The following FLNB variants were observed in gnomAD, a reference collection of about 807,000 sequenced individuals.
The protein encoded by FLNB is filamin-B.
Under a neutral mutation model 250.6 loss-of-function variants are expected in FLNB, and 111 were observed. The ratio of observed to expected loss-of-function variants is 0.44; its 90% CI spans 0.38 to 0.52. The LOEUF (loss-of-function observed/expected upper bound fraction) is 0.52. Among genes scored for constraint, FLNB ranks in the 20% least tolerant of loss-of-function variants. The pLI, the probability that FLNB is intolerant of heterozygous loss-of-function variation, is 0.00. For missense variants in FLNB, 2,869 were observed against 3,447.8 expected (o/e 0.83, Z 4.20); for synonymous variants, 1,302 against 1,372.1 (o/e 0.95, Z 1.13).
At chr3:58,076,288 T>C (rs2106943313) in intron 1 of FLNB, among the ~76,000 whole-genome samples, 1 of 152,166 alleles carries the variant, frequency 6.6e-6, no homozygotes, top group East Asian at 1.9e-4. Flanking sequence ...AAAAAATTCC[T>C]ACCTATCGAA....
rs916150026 is a variant in FLNB at position 58,124,389 on chromosome 3, T to G, written c.3782T>G (p.Val1261Gly). The G allele has an allele frequency of 1.9e-6, 3 of 1,614,048 alleles. No individual in the cohort carries two copies. The African/African-American group carries it at 4.0e-5, about 22-fold the overall frequency. Reference sequence around the variant, plus strand: ...GTTGACTCTCGGCCGCTGACCCAGGTTGGGGGTGACCACATCAAGGCCCAC... The same window carrying G: ...GTTGACTCTCGGCCGCTGACCCAGGGTGGGGGTGACCACATCAAGGCCCAC... ...FTVDSRPLTQ[V>G]GGDHIKAHIA... The change falls in exon 22 of 46, where the codon GTT becomes GGT. Residue 1261 changes from valine to glycine, a missense_variant. Val to Gly is a moderately radical substitution (Grantham distance 109). This residue lies in a region of FLNB where 1,348 missense variants were observed against 1,466.7 expected (regional missense o/e 0.92). Coordinates refer to ENST00000295956, the MANE Select transcript of FLNB (RefSeq NM_001457.4).
At chr3:58,093,886 A>G (rs1269769312) in intron 4 of FLNB, among the ~76,000 whole-genome samples, 1 of 152,236 alleles carries the variant, frequency 6.6e-6, no homozygotes, top group Non-Finnish European at 1.5e-5. Flanking sequence ...TTACATAGTT[A>G]TGATTCCATT....
intron 1 of FLNB, among the ~76,000 whole-genome samples, chr3:58,027,192 A>G (rs2097124617): frequency 6.7e-6 from 1 of 149,828 alleles, no homozygotes. Context: ...TCCCTCTGTC[A>G]CCCAGTCTGG....
rs1491212683 is a variant in FLNB at position 58,060,798 on chromosome 3, AAG to A, written c.293-16246_293-16245del. Among the ~76,000 whole-genome samples, 15 of 96,766 alleles carry A rather than the reference AAG, an allele frequency of 1.6e-4. No individual in the cohort carries two copies. The East Asian group carries it at 3.9e-3, about 25-fold the overall frequency. The allele number at this position is 96,766 out of a possible 152,430, so 63.5% of individuals were successfully genotyped here. ...AAAAAAAAAAAAAAAAAAAAAAAAAAAGAAAGAAAGAAAAGAAAAGAAAAGAA... is the reference window on the plus strand; with the variant it reads ...AAAAAAAAAAAAAAAAAAAAAAAAAAAAAGAAAGAAAAGAAAAGAAAAGAA... On this transcript the variant is annotated intron_variant, in intron 1 of 45. Transcript: ENST00000295956.
intron 1 of FLNB, among the ~76,000 whole-genome samples, chr3:58,025,501 G>A (rs1254047336): frequency 6.6e-6 from 1 of 152,026 alleles, no homozygotes; most frequent in East Asian, 1.9e-4. Flanking sequence ...TGCTCTCCCA[G>A]CAGCGGCAGT....
rs374855349 is a variant in FLNB at position 58,142,609 on chromosome 3, G to A, written c.5182-41G>A. 16 of 1,539,094 alleles carry A rather than the reference G, an allele frequency of 1.0e-5. No homozygotes were observed. The African/African-American group carries it at 2.2e-4, about 21-fold the overall frequency. The stretch of plus-strand genomic sequence containing the variant: ...CCCTGTAGCTTCACCAGCTCCCGCT[G>A]TTGTCTGCTTTACCCAGTGACCACT... On this transcript the variant is annotated intron_variant, in intron 30 of 45. Coordinates refer to ENST00000295956, the MANE Select transcript of FLNB (RefSeq NM_001457.4). This position sits in a 1 kb window ranked among gnomAD's most constrained non-coding sequence, Gnocchi z 4.3.
intron 1 of FLNB, among the ~76,000 whole-genome samples, chr3:58,028,963 T>G (rs2097127130): frequency 6.6e-6 from 1 of 151,988 alleles, no homozygotes. Flanking sequence ...GTGCCTGTAA[T>G]CCTAGCTACT....
At chr3:58,046,520 G>A (rs1215317826) in intron 1 of FLNB, among the ~76,000 whole-genome samples, 1 of 151,362 alleles carries the variant, frequency 6.6e-6, no homozygotes, top group Non-Finnish European at 1.5e-5. Flanking sequence ...TGCAGTCTTG[G>A]CTCACTGCAA....
intron 40 of FLNB, among the ~76,000 whole-genome samples, chr3:58,155,517 CAAAG>C (rs1022259783): frequency 1.3e-5 from 2 of 151,916 alleles, no homozygotes; most frequent in African/African-American, 4.8e-5. Context: ...ATCAAAGTGA[CAAAG>C]TAATAAGTGA....
Position 58,171,011 on chromosome 3 carries a change from A to G in FLNB, c.*249A>G. ...CTGAGTACACTAGGTGCAAACCAGA[A>G]CTCTTGGTGGAACAGACCAGCCACT... On this transcript the variant is annotated 3_prime_UTR_variant, in exon 46 of 46. Coordinates refer to ENST00000295956, the MANE Select transcript of FLNB (RefSeq NM_001457.4). The surrounding 1 kb of genome is among the most constrained non-coding windows in gnomAD (Gnocchi z 5.5). The G allele has an allele frequency of 2.0e-6, 1 of 493,096 alleles. No homozygotes were observed. The highest frequency in any genetic ancestry group is 3.7e-6 in the Non-Finnish European group (1 of 271,338). 30.5% of individuals were successfully genotyped at this position (493,096 alleles called of 1,614,324 possible).
chr3:58,121,050 CTTG>C (rs1173937991), intron 19 of FLNB, among the ~76,000 whole-genome samples, 188 bp from the exon 20 acceptor site: 4 of 152,212 alleles, frequency 2.6e-5, no homozygotes, highest in Non-Finnish European at 2.9e-5. Context: ...TGTGCCGACA[CTTG>C]TTGTTACTGA....
intron 24 of FLNB, among the ~76,000 whole-genome samples, chr3:58,129,304 T>C (rs1366258938): frequency 1.3e-5 from 2 of 152,182 alleles, no homozygotes; most frequent in East Asian, 1.9e-4. Context: ...GTGACATGTG[T>C]CTGGGCATGG....
chr3:58,073,361 A>G (rs1232610295), intron 1 of FLNB, among the ~76,000 whole-genome samples: 1 of 152,126 alleles, frequency 6.6e-6, no homozygotes, highest in East Asian at 1.9e-4. Flanking sequence ...GTCATGGTCA[A>G]GGACTTCCAG....
Position 58,098,645 on chromosome 3 carries a change from GCA to G in FLNB, c.1148-64_1148-63del. 2.7e-6 allele frequency: 4 copies of G among 1,505,982 alleles called. No individual in the cohort carries two copies. In the South Asian group the frequency reaches 4.5e-5, roughly 17 times the overall value. 93.3% of individuals were successfully genotyped at this position (1,505,982 alleles called of 1,614,324 possible). A position where few individuals can be genotyped will look rare whatever the true frequency, so the allele number is the denominator to read the frequency against. ...ACCACACTGGTCCTGTTTGCATTTT[GCA>G]CTCAGCAGCAGTGAGCTTTCAGAGA... is the stretch of plus-strand genomic sequence containing the variant. On this transcript the variant is annotated intron_variant, in intron 7 of 45. Coordinates refer to ENST00000295956, the MANE Select transcript of FLNB (RefSeq NM_001457.4).
chr3:58,113,639 G>T (rs537081758), intron 18 of FLNB, among the ~76,000 whole-genome samples: 18 of 152,172 alleles, frequency 1.2e-4, no homozygotes, highest in African/African-American at 4.1e-4. Flanking sequence ...CTTACATCCA[G>T]GCTTGCTGCT....
chr3:58,145,928 A>C lies in FLNB; in HGVS notation c.5433A>C (p.Pro1811=). The C allele has an allele frequency of 1.9e-6, 3 of 1,613,906 alleles. No individual in the cohort carries two copies. Among genetic ancestry groups the C allele is most frequent in the Non-Finnish European group, 2.5e-6 (3 of 1,179,960 alleles). ...TGTCCTTCGTAAACCCAGAGAGCCCACTCCAGTTCTACGTGAACTACCCCA... is the reference window on the plus strand; with the variant it reads ...TGTCCTTCGTAAACCCAGAGAGCCCCCTCCAGTTCTACGTGAACTACCCCA... ...KYMGSHIPES[P]LQFYVNYPNS... is the part of the protein sequence containing the mutation. The change falls in exon 33 of 46, where the codon CCA becomes CCC. Residue 1811 remains proline, a synonymous_variant. Transcript: ENST00000295956.
chr3:58,168,718 C>A, intron 44 of FLNB, 60 bp downstream of exon 44: 3 of 1,226,504 alleles, frequency 2.4e-6, no homozygotes, highest in Non-Finnish European at 3.6e-6. Flanking sequence ...TGTGTCAGAT[C>A]AATCATAGTG....
At chr3:58,026,975 C>T (rs2097124413) in intron 1 of FLNB, among the ~76,000 whole-genome samples, 1 of 152,160 alleles carries the variant, frequency 6.6e-6, no homozygotes, top group African/African-American at 2.4e-5. Context: ...AACACTTGCA[C>T]AACGGCTTTT....
chr3:58,106,865 C>A lies in FLNB; in HGVS notation c.1933C>A (p.Pro645Thr). The A allele has an allele frequency of 6.2e-6, 10 of 1,613,384 alleles. No homozygotes were observed. The highest frequency in any genetic ancestry group is 8.5e-6 in the Non-Finnish European group (10 of 1,179,778). The change falls in exon 12 of 46, where the codon CCT becomes ACT. Residue 645 changes from proline to threonine, a missense_variant. Around this residue, in one of 5 missense-constraint regions of FLNB, gnomAD observed 1,348 missense variants for 1,466.7 expected, o/e 0.92. Coordinates refer to ENST00000295956, the MANE Select transcript of FLNB (RefSeq NM_001457.4). ...CCACCCAGCCACGGGAGGCTACAAC[C>A]CTGATCTGGTGAATCAGCTGCTGTG... Reference protein sequence around the residue: ...FIHPATGGYNPDLVRAYGPGL... With the variant: ...FIHPATGGYNTDLVRAYGPGL...
Sources: gnomAD v4.1 joint callset for allele counts (sites outside exome capture counted in the v4.1 genomes callset) on GRCh38, gnomAD v4.1.1 for gene constraint, gnomAD v4.1.1 regional missense constraint, Gnocchi (gnomAD v3.1) non-coding constraint, MANE v1.5 for transcripts, NCBI Gene and HGNC (gene_info 2026-07-23, HGNC 2026-07-21) for gene names.